AGBL1: variants seen among roughly 807,000 people sequenced by gnomAD.
AGBL1 encodes cytosolic carboxypeptidase 4.
A neutral mutation model predicts 118.9 loss-of-function variants in AGBL1; 130 were observed. That is an observed-to-expected ratio of 1.09 (90% confidence interval 0.95 to 1.26). AGBL1 has a LOEUF of 1.26. Among genes scored for constraint, AGBL1 ranks in the 50% most tolerant of loss-of-function variants. The pLI, the probability that AGBL1 is intolerant of heterozygous loss-of-function variation, is 0.00. For missense variants in AGBL1, 1,584 were observed against 1,298.1 expected, an observed-to-expected ratio of 1.22 and a Z score of -3.38; for synonymous variants, 555 against 478.9, an observed-to-expected ratio of 1.16 and a Z score of -2.08.
At chr15:86,095,617 C>T (rs1356466050) in intron 1 of AGBL1, among the ~76,000 whole-genome samples, 1 of 145,002 alleles carries the variant, frequency 6.9e-6, no homozygotes, top group African/African-American at 2.5e-5. Context: ...TATTTTTTAC[C>T]ATATCATAAT....
intron 22 of AGBL1, among the ~76,000 whole-genome samples, chr15:86,744,555 A>G (rs999152766): frequency 2.0e-5 from 3 of 152,154 alleles, no homozygotes; most frequent in Non-Finnish European, 4.4e-5. Flanking sequence ...AAGACCATCA[A>G]TTCCGAAAGC....
At chr15:86,681,126 C>T (rs972289689) in intron 22 of AGBL1, among the ~76,000 whole-genome samples, 1 of 152,098 alleles carries the variant, frequency 6.6e-6, no homozygotes. Context: ...TCTGTTTTCT[C>T]ACCTCTGTAT....
intron 22 of AGBL1, among the ~76,000 whole-genome samples, chr15:86,816,454 T>C (rs972221606): frequency 6.6e-5 from 10 of 152,140 alleles, no homozygotes; most frequent in Admixed American, 3.3e-4. Context: ...ACAGGTGACA[T>C]CGACACCAAA....
intron 17 of AGBL1, among the ~76,000 whole-genome samples, chr15:86,372,823 C>G (rs1039769014): frequency 7.2e-5 from 11 of 152,200 alleles, no homozygotes; most frequent in Non-Finnish European, 1.5e-4. Flanking sequence ...CTATAGGGCT[C>G]TGAGCAGAAG....
intron 3 of AGBL1, among the ~76,000 whole-genome samples, chr15:86,153,682 G>A (rs2077148358): frequency 6.6e-6 from 1 of 152,118 alleles, no homozygotes; most frequent in Admixed American, 6.6e-5. Context: ...AAACATTAGA[G>A]GGGATAATTT....
intron 22 of AGBL1, among the ~76,000 whole-genome samples, chr15:86,800,686 C>G (rs762542137): frequency 1.4e-4 from 22 of 152,078 alleles, no homozygotes; most frequent in Admixed American, 5.3e-4. Context: ...GAGCCATATG[C>G]TAGCAAGCAA....
intron 21 of AGBL1, among the ~76,000 whole-genome samples, chr15:86,569,011 T>C (rs181038326): frequency 7.1e-6 from 1 of 140,324 alleles, no homozygotes; most frequent in Non-Finnish European, 1.6e-5. Flanking sequence ...ACATAAACTG[T>C]TTTTTTTTTT....
At chr15:86,396,117 A>G (rs28598874) in intron 17 of AGBL1, among the ~76,000 whole-genome samples, 1 of 144,352 alleles carries the variant, frequency 6.9e-6, no homozygotes, top group South Asian at 2.2e-4. Flanking sequence ...GTGTGTGTGT[A>G]TATATAAAAT....
intron 21 of AGBL1, among the ~76,000 whole-genome samples, chr15:86,597,629 T>C (rs2084431089): frequency 6.6e-6 from 1 of 152,182 alleles, no homozygotes; most frequent in African/African-American, 2.4e-5. Context: ...GCAGTATTCA[T>C]GTCTTGTGGA....
At chr15:87,007,860 A>T (rs1034232446) in intron 24 of AGBL1, among the ~76,000 whole-genome samples, 1 of 152,216 alleles carries the variant, frequency 6.6e-6, no homozygotes, top group African/African-American at 2.4e-5. Context: ...AGCCTAATGT[A>T]TATGGCAATT....
rs1462215762 is a variant in AGBL1 at position 86,546,051 on chromosome 15, A to T, written c.2735A>T (p.Tyr912Phe). ...TCCCAAAAGAAGAATGTGTTCCTTT[A>T]TGGCTGTAGCATCAAGGAAACCTTG... ...GHSQKKNVFL[Y>F]GCSIKETLWQ... The change falls in exon 20 of 23, where the codon TAT becomes TTT. Residue 912 changes from tyrosine (Y) to phenylalanine (F), a missense_variant. Coordinates refer to ENST00000614907, the MANE Select transcript of AGBL1 (RefSeq NM_001386094.1). The T allele has an allele frequency of 1.9e-6, 3 of 1,613,240 alleles. No individual in the cohort carries two copies. Among genetic ancestry groups the T allele is most frequent in the Admixed American group, 3.3e-5 (2 of 59,900 alleles).
chr15:86,600,144 C>T (rs1314173985), intron 21 of AGBL1, among the ~76,000 whole-genome samples: 1 of 152,076 alleles, frequency 6.6e-6, no homozygotes, highest in Non-Finnish European at 1.5e-5. Context: ...TTCTGGGCAA[C>T]ATCCTTGGAG....
At chr15:86,965,743 CTAACA>C (rs909570064) in intron 23 of AGBL1, among the ~76,000 whole-genome samples, 2 of 152,078 alleles carry the variant, frequency 1.3e-5, no homozygotes, top group African/African-American at 4.8e-5. Flanking sequence ...TCTCAGCAAA[CTAACA>C]TAAGAACAGA....
At chr15:86,132,463 C>G (rs2076832712) in intron 1 of AGBL1, among the ~76,000 whole-genome samples, 1 of 152,158 alleles carries the variant, frequency 6.6e-6, no homozygotes, top group African/African-American at 2.4e-5. Context: ...GTGTTATTTA[C>G]TTGCTATGTT....
intron 24 of AGBL1, among the ~76,000 whole-genome samples, chr15:86,994,774 C>T (rs1361905699): frequency 6.6e-6 from 1 of 152,166 alleles, no homozygotes; most frequent in Non-Finnish European, 1.5e-5. Context: ...CAAATTTAAA[C>T]ATTCCAATTA....
At chr15:86,958,916 A>T (rs1282231436) in intron 23 of AGBL1, among the ~76,000 whole-genome samples, 1 of 152,180 alleles carries the variant, frequency 6.6e-6, no homozygotes. Flanking sequence ...TACCACAAGA[A>T]GGAAGCAAAT....
chr15:86,220,812 A>G (rs984042281), intron 5 of AGBL1, among the ~76,000 whole-genome samples: 6 of 152,138 alleles, frequency 3.9e-5, no homozygotes, highest in African/African-American at 1.4e-4. Flanking sequence ...TCTACTTTCT[A>G]TCTCCCCTGG....
At chr15:86,942,473 G>A (rs1299151188) in intron 23 of AGBL1, among the ~76,000 whole-genome samples, 2 of 152,096 alleles carry the variant, frequency 1.3e-5, no homozygotes, top group Non-Finnish European at 2.9e-5. Flanking sequence ...GTTATTCATT[G>A]TCTCAAAAAG....
chr15:86,819,800 T>A (rs986561369), intron 22 of AGBL1, among the ~76,000 whole-genome samples: 1 of 152,136 alleles, frequency 6.6e-6, no homozygotes, highest in African/African-American at 2.4e-5. Flanking sequence ...ACTTTAAATT[T>A]CATATGGAAT....
Sources: allele counts gnomAD v4.1 joint callset (sites outside exome capture counted in the v4.1 genomes callset), GRCh38; gene constraint gnomAD v4.1.1; transcripts MANE v1.5; gene names NCBI Gene and HGNC (gene_info 2026-07-23, HGNC 2026-07-21).